Variants in AMBRA1 observed in about 807,000 individuals in gnomAD.
AMBRA1 encodes activating molecule in BECN1-regulated autophagy protein 1.
In AMBRA1, 47 loss-of-function variants were observed where a neutral mutation model predicts 125.4. The observed-to-expected ratio is 0.37, with a 90% CI of 0.30 to 0.48. The LOEUF is 0.48. AMBRA1 is among the 20% of genes least tolerant of loss of function. The pLI, the probability that AMBRA1 is intolerant of heterozygous loss-of-function variation, is 0.99. For missense variants in AMBRA1, 1,331 were observed against 1,693.4 expected, an observed-to-expected ratio of 0.79 and a Z score of 3.76; for synonymous variants, 626 against 655.5, an observed-to-expected ratio of 0.95 and a Z score of 0.69.
intron 7 of AMBRA1, among the ~76,000 whole-genome samples, chr11:46,529,875 T>C (rs1401874631): frequency 6.6e-6 from 1 of 152,150 alleles, no homozygotes; most frequent in Non-Finnish European, 1.5e-5. Flanking sequence ...ACAAACATGT[T>C]GTCAGGAATG....
At chr11:46,575,665 C>T (rs1267415420) in intron 1 of AMBRA1, among the ~76,000 whole-genome samples, 1 of 151,812 alleles carries the variant, frequency 6.6e-6, no homozygotes, top group Non-Finnish European at 1.5e-5. Context: ...TACAAGTGCA[C>T]GCCACCACGC....
At chr11:46,435,131 G>C in intron 12 of AMBRA1, 94 bp from the exon 13 acceptor site, 1 of 1,125,186 alleles carries the variant, frequency 8.9e-7, no homozygotes, top group Non-Finnish European at 1.2e-6. Context: ...CTTCCTAAGG[G>C]CCTGAACCTT....
At chr11:46,535,342 A>C (rs994967693) in intron 7 of AMBRA1, among the ~76,000 whole-genome samples, 1 of 152,202 alleles carries the variant, frequency 6.6e-6, no homozygotes, top group Admixed American at 6.6e-5. Context: ...GCTAACTAAC[A>C]TAAGGATTCT....
intron 11 of AMBRA1, among the ~76,000 whole-genome samples, chr11:46,463,694 T>C (rs1056753292): frequency 2.2e-4 from 33 of 152,318 alleles, no homozygotes; most frequent in African/African-American, 7.2e-4. Context: ...TTTTGTCTGA[T>C]TTCTGCAACT....
At chr11:46,423,703 T>G (rs1317293251) in intron 14 of AMBRA1, among the ~76,000 whole-genome samples, 1 of 151,698 alleles carries the variant, frequency 6.6e-6, no homozygotes, top group Non-Finnish European at 1.5e-5. Context: ...TTTTTATTAT[T>G]TTTAAATTTT....
At chr11:46,537,463 T>C (rs946218820) in intron 7 of AMBRA1, among the ~76,000 whole-genome samples, 1 of 152,196 alleles carries the variant, frequency 6.6e-6, no homozygotes, top group Admixed American at 6.5e-5. Context: ...TAACTTGCCA[T>C]TGAAACCATT....
intron 15 of AMBRA1, among the ~76,000 whole-genome samples, chr11:46,414,926 TC>T (rs1438343041): frequency 1.3e-5 from 2 of 152,104 alleles, no homozygotes; most frequent in African/African-American, 2.4e-5. Context: ...AGGAGCTTGT[TC>T]CTCTGTCTTT....
chr11:46,490,444 T>C (rs1198856858), intron 11 of AMBRA1, among the ~76,000 whole-genome samples: 4 of 152,234 alleles, frequency 2.6e-5, no homozygotes, highest in African/African-American at 9.6e-5. Context: ...TAACTTACTC[T>C]TCACCTTATA....
intron 11 of AMBRA1, among the ~76,000 whole-genome samples, 170 bp from the exon 12 acceptor site, chr11:46,443,768 C>T (rs1278744524): frequency 1.3e-5 from 2 of 152,176 alleles, no homozygotes; most frequent in African/African-American, 2.4e-5. Flanking sequence ...AAAGAAAAAC[C>T]AGGCATGTTT....
intron 11 of AMBRA1, among the ~76,000 whole-genome samples, chr11:46,458,583 A>C (rs530045979): frequency 6.6e-6 from 1 of 152,250 alleles, no homozygotes; most frequent in East Asian, 1.9e-4. Context: ...CTTTTCCTTC[A>C]TATAATATTT....
intron 7 of AMBRA1, among the ~76,000 whole-genome samples, chr11:46,533,726 A>G (rs1036631511): frequency 1.3e-5 from 2 of 152,184 alleles, no homozygotes; most frequent in African/African-American, 4.8e-5. Flanking sequence ...CAGCAGCCAC[A>G]GTTATCTTTT....
At chr11:46,487,724 T>C (rs975512467) in intron 11 of AMBRA1, among the ~76,000 whole-genome samples, 2 of 152,100 alleles carry the variant, frequency 1.3e-5, no homozygotes, top group African/African-American at 2.4e-5. Context: ...ACCCATTTAA[T>C]ACAAATGAAG....
At chr11:46,426,331 TG>T (rs1947132628) in intron 14 of AMBRA1, among the ~76,000 whole-genome samples, 1 of 152,110 alleles carries the variant, frequency 6.6e-6, no homozygotes, top group Non-Finnish European at 1.5e-5. Context: ...GCTGGGGAGA[TG>T]GCAGTGAAAA....
intron 11 of AMBRA1, among the ~76,000 whole-genome samples, chr11:46,468,663 A>C (rs1413837271): frequency 6.6e-6 from 1 of 151,254 alleles, no homozygotes; most frequent in Non-Finnish European, 1.5e-5. Flanking sequence ...AAAAAAAAAA[A>C]TAGCCGGGTG....
At chr11:46,555,310 C>T (rs1295895657) in intron 1 of AMBRA1, among the ~76,000 whole-genome samples, 2 of 152,136 alleles carry the variant, frequency 1.3e-5, no homozygotes, top group Non-Finnish European at 2.9e-5. Flanking sequence ...TTTAGAGGTT[C>T]CTTGTGCAAT....
chr11:46,481,102 T>C lies in AMBRA1; in HGVS notation c.2521+12506A>G, dbSNP rs1590917996. On this transcript the variant is annotated intron_variant, in intron 11 of 17. Transcript: ENST00000683756. Reference sequence around the variant, plus strand: ...GACTATTAATTGAATGCTGTTCAGATTCCATCTCAAAAACAAATGAGGATG... The same window carrying C: ...GACTATTAATTGAATGCTGTTCAGACTCCATCTCAAAAACAAATGAGGATG... Among the ~76,000 whole-genome samples, 2 of 152,234 alleles carry C rather than the reference T, an allele frequency of 1.3e-5. 1 individual carries two copies. The highest frequency in any genetic ancestry group is 4.1e-4 in the South Asian group (2 of 4,836).
chr11:46,546,477 G>T (rs1279753491), intron 4 of AMBRA1, among the ~76,000 whole-genome samples: 2 of 152,092 alleles, frequency 1.3e-5, no homozygotes, highest in South Asian at 4.1e-4. Flanking sequence ...TCTGTACTTA[G>T]GCAAAGATGC....
intron 11 of AMBRA1, among the ~76,000 whole-genome samples, chr11:46,467,009 C>G (rs1218535081): frequency 6.6e-6 from 1 of 151,932 alleles, no homozygotes; most frequent in Non-Finnish European, 1.5e-5. Flanking sequence ...CCTTCACCTC[C>G]CGGATCCAGG....
At chr11:46,417,871 G>A (rs369313452) in intron 15 of AMBRA1, 42 bp downstream of exon 15, 77 of 1,558,454 alleles carry the variant, frequency 4.9e-5, no homozygotes, top group African/African-American at 9.5e-5. Flanking sequence ...CCCAGTCCTC[G>A]GCCCCAGTGA....
Sources: allele counts gnomAD v4.1 joint callset (sites outside exome capture counted in the v4.1 genomes callset), GRCh38; gene constraint gnomAD v4.1.1; transcripts MANE v1.5; gene names NCBI Gene and HGNC (gene_info 2026-07-23, HGNC 2026-07-21).